Variants in PRKCA observed in about 807,000 individuals in gnomAD.
The protein encoded by PRKCA is protein kinase C alpha, also known as protein kinase C alpha type.
In PRKCA, 27 loss-of-function variants were observed where a neutral mutation model predicts 87.0. The observed-to-expected ratio is 0.31, with a 90% confidence interval of 0.23 to 0.43. PRKCA has a LOEUF of 0.43. Among genes scored for constraint, PRKCA ranks in the 20% least tolerant of loss-of-function variants. The pLI, the probability that PRKCA is intolerant of heterozygous loss-of-function variation, is 1.00. For missense variants in PRKCA, 518 were observed against 852.3 expected, an observed-to-expected ratio of 0.61 and a Z score of 4.88; for synonymous variants, 329 against 311.1, an observed-to-expected ratio of 1.06 and a Z score of -0.61.
At chr17:66,438,749 G>A (rs1045336908) in intron 2 of PRKCA, among the ~76,000 whole-genome samples, 4 of 152,106 alleles carry the variant, frequency 2.6e-5, no homozygotes, top group African/African-American at 9.7e-5. Flanking sequence ...TCTTTACAGC[G>A]CAGCAGGAAG....
chr17:66,703,411 G>A (rs1973111595), intron 8 of PRKCA: 1 of 152,152 alleles, frequency 6.6e-6, no homozygotes, highest in South Asian at 2.1e-4. Flanking sequence ...ACATGGAGCT[G>A]TCATCACCCC....
intron 2 of PRKCA, among the ~76,000 whole-genome samples, chr17:66,345,854 A>G (rs1249996671): frequency 1.3e-5 from 2 of 152,238 alleles, no homozygotes; most frequent in Non-Finnish European, 2.9e-5. Flanking sequence ...TAAAAAATGC[A>G]GTTAGGTGTA....
rs565791150 is a variant in PRKCA, at chr17:66,713,125, C to T, written c.919-19563C>T. 2.1e-4 allele frequency among the ~76,000 whole-genome samples: 29 copies of T among 137,720 alleles called. No homozygotes were observed. The East Asian group carries it at 5.4e-3, about 25-fold the overall frequency. 90.3% of individuals were successfully genotyped at this position (137,720 alleles called of 152,430 possible). A position where few individuals can be genotyped will look rare whatever the true frequency, so the allele number is the denominator to read the frequency against. ...GGAGCGCAATGGTGCAATCTTGGCT[C>T]ATTGCAACCTCCACCTCCCGGGTTC... On this transcript the variant is annotated intron_variant, in intron 8 of 16. Transcript: ENST00000413366.
At chr17:66,661,450 T>C (rs1413330767) in intron 5 of PRKCA, among the ~76,000 whole-genome samples, 1 of 152,214 alleles carries the variant, frequency 6.6e-6, no homozygotes, top group Admixed American at 6.5e-5. Context: ...TCCTGCCTTC[T>C]ACTTCGATGC....
intron 2 of PRKCA, among the ~76,000 whole-genome samples, chr17:66,382,590 G>A (rs562555093): frequency 4.6e-5 from 7 of 152,232 alleles, no homozygotes; most frequent in South Asian, 2.1e-4. Flanking sequence ...AGGCCACTGC[G>A]CCCAGCTGCC....
intron 5 of PRKCA, among the ~76,000 whole-genome samples, chr17:66,651,961 GTTTA>G (rs1362283802): frequency 1.3e-5 from 2 of 152,000 alleles, no homozygotes; most frequent in Admixed American, 6.6e-5. Context: ...TTATTTATTT[GTTTA>G]TTTATTTTTT....
chr17:66,663,621 G>C (rs1426993882), intron 5 of PRKCA, among the ~76,000 whole-genome samples: 1 of 152,066 alleles, frequency 6.6e-6, no homozygotes, highest in Non-Finnish European at 1.5e-5. Context: ...TTTGTCTCTG[G>C]TATCATCACC....
intron 3 of PRKCA, among the ~76,000 whole-genome samples, chr17:66,596,113 G>A (rs567625173): frequency 1.3e-5 from 2 of 152,122 alleles, no homozygotes; most frequent in African/African-American, 4.8e-5. Flanking sequence ...ACTTCTTTCC[G>A]TGTGCTTGCT....
chr17:66,388,606 C>T (rs1399349501), intron 2 of PRKCA, among the ~76,000 whole-genome samples: 1 of 152,078 alleles, frequency 6.6e-6, no homozygotes. Flanking sequence ...ATACTTAGCT[C>T]TTATTGGCCA....
chr17:66,549,074 G>A (rs1392650327), intron 3 of PRKCA, among the ~76,000 whole-genome samples: 2 of 151,954 alleles, frequency 1.3e-5, no homozygotes, highest in South Asian at 2.1e-4. Context: ...CCAGAGTGCT[G>A]GGATTACAGG....
intron 2 of PRKCA, among the ~76,000 whole-genome samples, chr17:66,327,176 CT>C (rs1275661511): frequency 6.6e-6 from 1 of 151,904 alleles, no homozygotes; most frequent in Non-Finnish European, 1.5e-5. Context: ...ACCATCCTGG[CT>C]AACATGGTGA....
At chr17:66,411,043 T>C (rs1911766322) in intron 2 of PRKCA, among the ~76,000 whole-genome samples, 1 of 152,128 alleles carries the variant, frequency 6.6e-6, no homozygotes, top group Non-Finnish European at 1.5e-5. Flanking sequence ...TTGATAATTG[T>C]ATATATTCTC....
intron 2 of PRKCA, among the ~76,000 whole-genome samples, chr17:66,372,812 T>G (rs1440538293): frequency 6.6e-6 from 1 of 152,102 alleles, no homozygotes; most frequent in Non-Finnish European, 1.5e-5. Flanking sequence ...ATCCCAGTAC[T>G]TTGGGAAGCC....
chr17:66,430,695 G>A (rs1410348402), intron 2 of PRKCA, among the ~76,000 whole-genome samples: 8 of 151,998 alleles, frequency 5.3e-5, no homozygotes, highest in Admixed American at 5.2e-4. Flanking sequence ...GCAGGACAAG[G>A]TTCATTTGCC....
intron 3 of PRKCA, among the ~76,000 whole-genome samples, chr17:66,506,628 C>A (rs1394568269): frequency 6.6e-6 from 1 of 152,160 alleles, no homozygotes; most frequent in African/African-American, 2.4e-5. Context: ...CCTTAATACC[C>A]AAGAGTAGCC....
Position 66,321,298 on chromosome 17 carries a change from A to G in PRKCA, c.205+15171A>G, listed in dbSNP as rs73341511. 7.3e-3 allele frequency among the ~76,000 whole-genome samples: 1,109 copies of G among 152,208 alleles called. 13 individuals are homozygous for G. Among genetic ancestry groups the G allele is most frequent in the African/African-American group, 0.026 (1,077 of 41,528 alleles). On this transcript the variant is annotated intron_variant, in intron 2 of 16. Coordinates refer to ENST00000413366, the MANE Select transcript of PRKCA (RefSeq NM_002737.3). ...TGGGGGAGTCTCTTGGACATTCTTT[A>G]TTGCCCTGAGTCTTTGAACCATATT...
chr17:66,638,239 T>G (rs1567947238), intron 3 of PRKCA: 4 of 142,570 alleles, frequency 2.8e-5, no homozygotes, highest in Admixed American at 2.1e-4. Context: ...GCTCTTGTGA[T>G]GGGAATCCAA....
chr17:66,613,519 CA>C (rs1970428639), intron 3 of PRKCA, among the ~76,000 whole-genome samples: 2 of 152,074 alleles, frequency 1.3e-5, no homozygotes, highest in African/African-American at 2.4e-5. Context: ...GCTAGAAGTC[CA>C]AAAGACACCC....
chr17:66,423,546 T>G (rs965925249), intron 2 of PRKCA, among the ~76,000 whole-genome samples: 1 of 152,238 alleles, frequency 6.6e-6, no homozygotes, highest in Non-Finnish European at 1.5e-5. Flanking sequence ...AATAATTACC[T>G]GACTCAGAAG....
Sources: gnomAD v4.1 joint callset for allele counts (sites outside exome capture counted in the v4.1 genomes callset) on GRCh38, gnomAD v4.1.1 for gene constraint, MANE v1.5 for transcripts, NCBI Gene and HGNC (gene_info 2026-07-23, HGNC 2026-07-21) for gene names.